Variants in DNAH7 observed in about 807,000 individuals in gnomAD.
The protein encoded by DNAH7 is axonemal beta dynein heavy chain 7.
In DNAH7, 397 loss-of-function variants were observed where a neutral mutation model predicts 444.6. The observed-to-expected ratio is 0.89, with a 90% CI of 0.82 to 0.97. The LOEUF (loss-of-function observed/expected upper bound fraction) is 0.97. DNAH7 is among the 50% of genes least tolerant of loss of function. The pLI, the probability that DNAH7 is intolerant of heterozygous loss-of-function variation, is 0.00. For synonymous variants in DNAH7, 1,636 were observed against 1,624.4 expected (o/e 1.01, Z -0.17); for missense variants, 4,902 against 4,800.8 (o/e 1.02, Z -0.62).
Position 195,834,309 on chromosome 2 carries a change from T to A in DNAH7, c.8997A>T (p.Lys2999Asn). 6.2e-7 allele frequency: 1 copy of A among 1,606,196 alleles called. No individual in the cohort carries two copies. Among genetic ancestry groups the A allele is most frequent in the African/African-American group, 1.3e-5 (1 of 74,966 alleles). The stretch of plus-strand genomic sequence containing the variant: ...TGGCTTTTTCCATGTTCTTGATCCA[T>A]TTATTAGCCTGACTTTGAGGATCTA... ...LMIDPQSQAN[K>N]WIKNMEKANS... Residue 2999 changes from lysine to asparagine, a missense_variant, in exon 48 of 65, where the codon AAA becomes AAT. Lys to Asn is a moderately conservative substitution (Grantham distance 94). Coordinates refer to ENST00000312428, the MANE Select transcript of DNAH7 (RefSeq NM_018897.3).
chr2:196,058,099 T>C lies in DNAH7; in HGVS notation c.33A>G (p.Lys11=). ...ATCTTACTGGTTTCTTGGATTTTTC[T>C]TTGCTGGCCGATTTATCCTGTATGA... The part of the protein sequence containing the change: MSSEQDKSAS[K]EKSKKPVRFL... Residue 11 remains lysine (K), a synonymous_variant, in exon 2 of 65, where the codon AAA becomes AAG. Coordinates refer to ENST00000312428, the MANE Select transcript of DNAH7 (RefSeq NM_018897.3). 1.3e-6 allele frequency: 2 copies of C among 1,589,364 alleles called. No homozygotes were observed. Among genetic ancestry groups the C allele is most frequent in the African/African-American group, 1.3e-5 (1 of 74,434 alleles).
At chr2:195,913,942 C>T (rs1687513069) in intron 24 of DNAH7, among the ~76,000 whole-genome samples, 1 of 152,196 alleles carries the variant, frequency 6.6e-6, no homozygotes, top group African/African-American at 2.4e-5. Context: ...TCTCAATCTC[C>T]TGACCTCGTG....
intron 34 of DNAH7, 114 bp downstream of exon 34, chr2:195,886,027 G>A (rs969009629): frequency 1.3e-5 from 16 of 1,250,286 alleles, no homozygotes; most frequent in East Asian, 5.0e-5. Flanking sequence ...GCTACCACCC[G>A]TTGACTAGTC....
At chr2:195,754,287 T>A in intron 63 of DNAH7, 50 bp downstream of exon 63, 1 of 1,532,088 alleles carries the variant, frequency 6.5e-7, no homozygotes, top group Non-Finnish European at 8.9e-7. Flanking sequence ...AATGTCATGT[T>A]TTTGTTCAGT....
chr2:196,028,295 C>T (rs1165089131), intron 5 of DNAH7, among the ~76,000 whole-genome samples: 1 of 152,102 alleles, frequency 6.6e-6, no homozygotes, highest in South Asian at 2.1e-4. Flanking sequence ...TCCTTGATGG[C>T]CTTTACTTAT....
chr2:195,872,498 G>GA, intron 39 of DNAH7, 29 bp from the exon 40 acceptor site: 3 of 1,447,990 alleles, frequency 2.1e-6, no homozygotes, highest in Non-Finnish European at 2.8e-6. Context: ...AAAAAGAAAG[G>GA]AAAATGTTAG....
rs577119890 is a variant in DNAH7 at position 195,861,881 on chromosome 2, C to T, written c.7572G>A (p.Glu2524=). 1.9e-6 allele frequency: 3 copies of T among 1,613,942 alleles called. No individual in the cohort carries two copies. The highest frequency in any genetic ancestry group is 2.2e-5 in the East Asian group (1 of 44,882). The change falls in exon 42 of 65, where the codon GAG becomes GAA. Residue 2524 remains glutamate, a synonymous_variant. Coordinates refer to ENST00000312428, the MANE Select transcript of DNAH7 (RefSeq NM_018897.3). ...SRFLEEIEMS[E]EIRDGCIDMC... The stretch of plus-strand genomic sequence containing the variant: ...TGTCGATACAGCCATCTCGTATTTC[C>T]TCTGACATTTCAATTTCTTCCAAGA...
chr2:195,750,392 C>A (rs902200533), intron 63 of DNAH7, among the ~76,000 whole-genome samples: 1 of 152,118 alleles, frequency 6.6e-6, no homozygotes, highest in South Asian at 2.1e-4. Flanking sequence ...AAACATATAA[C>A]CCTGAAAGAC....
chr2:195,889,639 A>C (rs917156011), intron 31 of DNAH7, among the ~76,000 whole-genome samples: 4 of 152,182 alleles, frequency 2.6e-5, no homozygotes, highest in Admixed American at 2.6e-4. Flanking sequence ...TTCTGAATTC[A>C]AATATATTAA....
intron 58 of DNAH7, among the ~76,000 whole-genome samples, chr2:195,778,231 C>G (rs1434211007): frequency 6.6e-6 from 1 of 151,982 alleles, no homozygotes; most frequent in Non-Finnish European, 1.5e-5. Context: ...AATTTATTGT[C>G]TATTCAACCA....
At chr2:195,752,713 C>T (rs1693859974) in intron 63 of DNAH7, among the ~76,000 whole-genome samples, 1 of 152,004 alleles carries the variant, frequency 6.6e-6, no homozygotes, top group Admixed American at 6.6e-5. Context: ...GGGAGATGTA[C>T]TGGAAACAAA....
At chr2:196,011,430 T>C (rs1395454401) in intron 10 of DNAH7, among the ~76,000 whole-genome samples, 1 of 151,974 alleles carries the variant, frequency 6.6e-6, no homozygotes, top group East Asian at 1.9e-4. Context: ...ACCCTACTTG[T>C]AGGGAATAAT....
chr2:195,932,996 AC>A (rs1688803367), intron 21 of DNAH7, among the ~76,000 whole-genome samples: 1 of 152,130 alleles, frequency 6.6e-6, no homozygotes, highest in Non-Finnish European at 1.5e-5. Context: ...AAGGAATGGT[AC>A]CAGCTCCTCC....
intron 12 of DNAH7, chr2:195,998,943 G>A (rs904377494): frequency 1.8e-6 from 1 of 549,524 alleles, no homozygotes; most frequent in Non-Finnish European, 3.3e-6. Context: ...TGAGTTGAAA[G>A]GTCATTATGT....
At chr2:196,012,742 T>C in intron 10 of DNAH7, 45 bp downstream of exon 10, 5 of 1,586,804 alleles carry the variant, frequency 3.2e-6, no homozygotes, top group Non-Finnish European at 4.3e-6. Flanking sequence ...CCCACAATCA[T>C]ATTTTTAAAC....
intron 63 of DNAH7, among the ~76,000 whole-genome samples, chr2:195,753,828 AGTTTTGGAATGTTAAGCTATAG>A (rs1023918113): frequency 3.3e-5 from 5 of 152,188 alleles, no homozygotes; most frequent in Non-Finnish European, 5.9e-5. Context: ...ATTAGCTATA[AGTTTTGGAATGTTAAGCTATAG>A]GTTTTGGAAT....
At chr2:195,811,089 AC>A (rs1020016084) in intron 51 of DNAH7, among the ~76,000 whole-genome samples, 3 of 152,260 alleles carry the variant, frequency 2.0e-5, no homozygotes, top group African/African-American at 7.2e-5. Context: ...TATGTTAATA[AC>A]CTTTTAAGGT....
At chr2:195,956,112 A>G (rs1690633440) in intron 19 of DNAH7, among the ~76,000 whole-genome samples, 1 of 152,162 alleles carries the variant, frequency 6.6e-6, no homozygotes, top group Non-Finnish European at 1.5e-5. Flanking sequence ...CATATAGTTG[A>G]CGTCAATACA....
chr2:195,757,820 G>T (rs187283667), intron 61 of DNAH7, among the ~76,000 whole-genome samples: 1 of 152,300 alleles, frequency 6.6e-6, no homozygotes, highest in African/African-American at 2.4e-5. Flanking sequence ...TTCTGAAAGT[G>T]GGGCGAGGAG....
Sources: allele counts gnomAD v4.1 joint callset (sites outside exome capture counted in the v4.1 genomes callset), GRCh38; gene constraint gnomAD v4.1.1; transcripts MANE v1.5; gene names NCBI Gene and HGNC (gene_info 2026-07-23, HGNC 2026-07-21).